Variants in PCED1B observed in about 807,000 individuals in gnomAD.
The protein encoded by PCED1B is PC-esterase domain-containing protein 1B.
For synonymous variants in PCED1B, 251 were observed against 246.1 expected (o/e 1.02, Z -0.19); for missense variants, 573 against 573.9 (o/e 1.00, Z 0.02).
At chr12:47,152,141 G>A (rs1941016996) in intron 2 of PCED1B, among the ~76,000 whole-genome samples, 1 of 152,116 alleles carries the variant, frequency 6.6e-6, no homozygotes, top group Non-Finnish European at 1.5e-5. Flanking sequence ...GTTGATGGAT[G>A]TTAAAAATTA....
At chr12:47,099,140 T>A (rs1305951065) in intron 1 of PCED1B, among the ~76,000 whole-genome samples, 1 of 152,196 alleles carries the variant, frequency 6.6e-6, no homozygotes, top group Non-Finnish European at 1.5e-5. Context: ...TCTGAAAAAC[T>A]TTCACACTGT....
chr12:47,088,944 TG>T (rs1938119008), intron 1 of PCED1B, among the ~76,000 whole-genome samples: 1 of 152,210 alleles, frequency 6.6e-6, no homozygotes, highest in Non-Finnish European at 1.5e-5. Flanking sequence ...CTTGGCTCCT[TG>T]GCTGTATTTT....
At chr12:47,193,516 T>G (rs1022759705) in intron 2 of PCED1B, among the ~76,000 whole-genome samples, 1 of 152,164 alleles carries the variant, frequency 6.6e-6, no homozygotes, top group Non-Finnish European at 1.5e-5. Flanking sequence ...TGGATTACAA[T>G]AGTTAGGGTG....
chr12:47,218,536 C>T (rs1943373523), intron 3 of PCED1B, among the ~76,000 whole-genome samples: 1 of 152,126 alleles, frequency 6.6e-6, no homozygotes, highest in Non-Finnish European at 1.5e-5. Context: ...CAGGCTGGAG[C>T]GCAGTGGTGC....
intron 2 of PCED1B, among the ~76,000 whole-genome samples, chr12:47,143,816 A>G (rs1400665998): frequency 9.9e-6 from 1 of 100,840 alleles, no homozygotes; most frequent in Admixed American, 1.1e-4. Context: ...ATTATGTTAC[A>G]AAGCTATAGT....
chr12:47,134,113 A>G (rs1280798913), intron 2 of PCED1B, among the ~76,000 whole-genome samples: 1 of 152,226 alleles, frequency 6.6e-6, no homozygotes, highest in Admixed American at 6.5e-5. Context: ...CCCTGACTGT[A>G]TTATGATGTG....
chr12:47,187,371 C>T (rs1239378633), intron 2 of PCED1B, among the ~76,000 whole-genome samples: 1 of 152,068 alleles, frequency 6.6e-6, no homozygotes, highest in East Asian at 1.9e-4. Flanking sequence ...GGAGAAAAGG[C>T]AGGTGAAATG....
At chr12:47,217,903 T>G (rs754594424) in intron 3 of PCED1B, among the ~76,000 whole-genome samples, 1 of 152,238 alleles carries the variant, frequency 6.6e-6, no homozygotes, top group East Asian at 1.9e-4. Flanking sequence ...AATAAAGAGA[T>G]AAACTGGTAA....
chr12:47,135,619 A>C (rs78826286), intron 2 of PCED1B: 7,234 of 500,122 alleles, frequency 0.014, 213 homozygotes, highest in East Asian at 0.11. Flanking sequence ...CAGGTCACCA[A>C]CCATCTTCCT....
At chr12:47,165,348 G>C (rs550780273) in intron 2 of PCED1B, among the ~76,000 whole-genome samples, 8 of 152,260 alleles carry the variant, frequency 5.3e-5, no homozygotes, top group African/African-American at 1.7e-4. Context: ...AATAATGAAT[G>C]AATGATGGGC....
intron 1 of PCED1B, among the ~76,000 whole-genome samples, chr12:47,086,012 C>T (rs1937963730): frequency 6.6e-6 from 1 of 152,172 alleles, no homozygotes; most frequent in Non-Finnish European, 1.5e-5. Context: ...ATTTACTGAG[C>T]GCCCACTGTG....
At chr12:47,207,511 A>G (rs1942948299) in intron 2 of PCED1B, among the ~76,000 whole-genome samples, 1 of 152,222 alleles carries the variant, frequency 6.6e-6, no homozygotes, top group African/African-American at 2.4e-5. Context: ...TAGGACAAGG[A>G]TGACCCAGCA....
intron 2 of PCED1B, chr12:47,135,911 G>T: frequency 4.4e-6 from 1 of 228,402 alleles, no homozygotes; most frequent in South Asian, 6.5e-5. Flanking sequence ...TGGTCTCCAG[G>T]GAGAACCAGC....
In PCED1B at chr12:47,124,131, T is replaced by C. The variant is rs1369714054; in HGVS notation, c.-526+19936T>C. Among the ~76,000 whole-genome samples the C allele has an allele frequency of 5.3e-5, 8 of 152,134 alleles. No homozygotes were observed. In the East Asian group the frequency reaches 1.5e-3, roughly 29 times the overall value. On this transcript the variant is annotated intron_variant, in intron 2 of 3. Transcript: ENST00000546455. ...AACACTACAATCACAATAATGAACA[T>C]ATCTAACATCCCAAAAAGTTCTCTC... is the stretch of plus-strand genomic sequence containing the variant.
chr12:47,191,950 C>T (rs529969898), intron 2 of PCED1B, among the ~76,000 whole-genome samples: 8 of 152,144 alleles, frequency 5.3e-5, no homozygotes, highest in Admixed American at 2.0e-4. Context: ...CCTAACATGG[C>T]GCTTGCCACA....
chr12:47,227,652 G>A (rs998061611), intron 3 of PCED1B, among the ~76,000 whole-genome samples: 6 of 151,922 alleles, frequency 3.9e-5, no homozygotes, highest in Non-Finnish European at 7.4e-5. Flanking sequence ...CCAGGAGTTC[G>A]AGACCAGCCT....
At chr12:47,230,539 G>C (rs1414747122) in intron 3 of PCED1B, among the ~76,000 whole-genome samples, 1 of 151,368 alleles carries the variant, frequency 6.6e-6, no homozygotes, top group African/African-American at 2.4e-5. Flanking sequence ...CGCCTCCCAG[G>C]TTCAGGGGAT....
chr12:47,150,881 C>G (rs1456066206), intron 2 of PCED1B, among the ~76,000 whole-genome samples: 2 of 152,098 alleles, frequency 1.3e-5, no homozygotes, highest in Non-Finnish European at 2.9e-5. Context: ...TAATTTGACT[C>G]TGAGTGAGGT....
chr12:47,085,940 C>T (rs574186010), intron 1 of PCED1B, among the ~76,000 whole-genome samples: 2 of 151,994 alleles, frequency 1.3e-5, no homozygotes, highest in South Asian at 4.1e-4. Context: ...ACTCAGACCT[C>T]CCCTGTTTGA....
Sources: gnomAD v4.1 joint callset for allele counts (sites outside exome capture counted in the v4.1 genomes callset) on GRCh38, gnomAD v4.1.1 for gene constraint, MANE v1.5 for transcripts, NCBI Gene and HGNC (gene_info 2026-07-23, HGNC 2026-07-21) for gene names.